CWC22: variants seen among roughly 807,000 people sequenced by gnomAD.
The protein encoded by CWC22 is CWC22 spliceosome associated protein.
CWC22 carries 53 observed loss-of-function variants against 117.2 expected under a neutral mutation model. The ratio of observed to expected loss-of-function variants is 0.45; its 90% CI spans 0.36 to 0.57. The LOEUF (loss-of-function observed/expected upper bound fraction) is 0.57, where lower values mean the gene tolerates loss of function less well. CWC22 is among the 20% of genes least tolerant of loss of function. The pLI is 0.00. For missense variants in CWC22, 980 were observed against 1,068.8 expected (o/e 0.92, Z 1.16); for synonymous variants, 360 against 355.6 (o/e 1.01, Z -0.14).
intron 11 of CWC22, 115 bp downstream of exon 11, chr2:179,970,386 A>G (rs1041386828): frequency 2.7e-6 from 3 of 1,097,386 alleles, no homozygotes; most frequent in Admixed American, 3.0e-5. Context: ...GAATAACTTT[A>G]TAAGAGCAGC....
rs1687087725 is a variant in CWC22 at position 179,973,766 on chromosome 2, A to T, written c.618T>A (p.Ser206Arg). 1 of 1,610,208 alleles carries T rather than the reference A, an allele frequency of 6.2e-7. No individual in the cohort carries two copies. Among genetic ancestry groups the T allele is most frequent in the African/African-American group, 1.3e-5 (1 of 74,882 alleles). Residue 206 changes from serine to arginine, a missense_variant, in exon 7 of 20, where the codon AGT (serine) becomes AGA (arginine). Physicochemically the swap from Ser to Arg is moderately radical, Grantham distance 110. This residue lies in a region of CWC22 where 559 missense variants were observed against 602.3 expected (regional missense o/e 0.93). Coordinates refer to ENST00000410053, the MANE Select transcript of CWC22 (RefSeq NM_020943.3). ...AAACATGGGTGAAGATTGGAGAAGC[A>T]CTCTGTGCTTGCAAAACAGACCTGG... is the stretch of plus-strand genomic sequence containing the variant. ...LLSRSVLQAQ[S>R]ASPIFTHVYA...
intron 1 of CWC22, among the ~76,000 whole-genome samples, chr2:180,004,060 G>T (rs112305988): frequency 2.1e-3 from 317 of 152,248 alleles, no homozygotes; most frequent in African/African-American, 7.0e-3. Context: ...CCCATGCTCA[G>T]ATAAACAGAA....
At chr2:179,997,667 C>T (rs1174842869) in intron 1 of CWC22, among the ~76,000 whole-genome samples, 1 of 152,146 alleles carries the variant, frequency 6.6e-6, no homozygotes, top group Non-Finnish European at 1.5e-5. Context: ...CCTTTATTAC[C>T]TTTAAACCCA....
chr2:179,953,814 A>C (rs1686516046), intron 16 of CWC22, among the ~76,000 whole-genome samples: 2 of 152,074 alleles, frequency 1.3e-5, no homozygotes, highest in South Asian at 4.1e-4. Context: ...AGAACCATGG[A>C]GAGTTATTCC....
chr2:179,951,029 GA>G (rs1686434033), intron 17 of CWC22, 103 bp from the exon 18 acceptor site: 1 of 704,694 alleles, frequency 1.4e-6, no homozygotes, highest in African/African-American at 1.8e-5. Flanking sequence ...ATTACTAAAT[GA>G]AATACAACCA....
At chr2:179,963,925 A>G (rs1205324545) in intron 13 of CWC22, among the ~76,000 whole-genome samples, 1 of 152,230 alleles carries the variant, frequency 6.6e-6, no homozygotes, top group Non-Finnish European at 1.5e-5. Context: ...TGATTCACAT[A>G]CAAACTACCA....
rs1371437956 is a variant in CWC22 at position 179,964,767 on chromosome 2, T to C, written c.1316-139A>G. The C allele has an allele frequency of 9.0e-6, 5 of 553,730 alleles. No homozygotes were observed. In the South Asian group the frequency reaches 1.3e-4, roughly 14 times the overall value. The allele number at this position is 553,730 out of a possible 1,614,324, so 34.3% of individuals were successfully genotyped here. Reference sequence around the variant, plus strand: ...TAATATTATCTTTTTACTGTGTAAATTAGTATTTATAGAATTGAAAGTAAC... The same window carrying C: ...TAATATTATCTTTTTACTGTGTAAACTAGTATTTATAGAATTGAAAGTAAC... On this transcript the variant is annotated intron_variant, in intron 12 of 19. Transcript: ENST00000410053.
chr2:179,984,091 G>A (rs925850210), intron 4 of CWC22, among the ~76,000 whole-genome samples: 25 of 152,150 alleles, frequency 1.6e-4, no homozygotes, highest in African/African-American at 5.1e-4. Flanking sequence ...TGGATAACAT[G>A]AGACTTCATT....
At chr2:179,958,238 G>A (rs2105514309) in intron 14 of CWC22, among the ~76,000 whole-genome samples, 1 of 150,590 alleles carries the variant, frequency 6.6e-6, no homozygotes, top group African/African-American at 2.4e-5. Flanking sequence ...GGTTGAGGCA[G>A]GAGAATTGCT....
At chr2:179,986,068 G>A (rs1687411795) in intron 4 of CWC22, among the ~76,000 whole-genome samples, 1 of 151,940 alleles carries the variant, frequency 6.6e-6, no homozygotes, top group Non-Finnish European at 1.5e-5. Context: ...TTACCCCTAG[G>A]AGTCTCCAAA....
At chr2:180,002,368 A>G (rs916346024) in intron 1 of CWC22, among the ~76,000 whole-genome samples, 2 of 152,238 alleles carry the variant, frequency 1.3e-5, no homozygotes, top group Non-Finnish European at 2.9e-5. Context: ...GGCTAGGGCC[A>G]TAATTGATAT....
In CWC22 at chr2:179,952,612, TA is replaced by T. The variant is rs750559877; in HGVS notation, c.1690-15del. ...ACATTCAAGAACCTGAAAATTAAAA[TA>T]AAAAAAGACAAGTATATTTTAATTT... On this transcript the variant is annotated splice_polypyrimidine_tract_variant and intron_variant, in intron 16 of 19. Transcript: ENST00000410053. The T allele has an allele frequency of 1.9e-5, 26 of 1,342,614 alleles. No individual in the cohort carries two copies. The highest frequency in any genetic ancestry group is 2.6e-5 in the Non-Finnish European group (26 of 998,812). 83.2% of individuals were successfully genotyped at this position (1,342,614 alleles called of 1,614,324 possible). A position where few individuals can be genotyped will look rare whatever the true frequency, so the allele number is the denominator to read the frequency against.
chr2:179,983,101 A>G (rs1395875639), intron 4 of CWC22, among the ~76,000 whole-genome samples: 1 of 151,956 alleles, frequency 6.6e-6, no homozygotes, highest in East Asian at 1.9e-4. Context: ...TTTTTTGTTC[A>G]TTTGTTTACT....
intron 13 of CWC22, 41 bp from the exon 14 acceptor site, chr2:179,959,123 G>A (rs758426113): frequency 3.8e-5 from 44 of 1,162,640 alleles, no homozygotes; most frequent in Non-Finnish European, 5.4e-5. Context: ...TTGCAACATA[G>A]ACTGTACACT....
intron 13 of CWC22, among the ~76,000 whole-genome samples, chr2:179,963,602 A>C (rs1686813862): frequency 6.6e-6 from 1 of 151,906 alleles, no homozygotes; most frequent in African/African-American, 2.4e-5. Flanking sequence ...TCGGCCTCCC[A>C]AAGTGCTGGG....
intron 3 of CWC22, among the ~76,000 whole-genome samples, chr2:179,987,786 A>T (rs1040463123): frequency 6.6e-6 from 1 of 152,184 alleles, no homozygotes; most frequent in African/African-American, 2.4e-5. Flanking sequence ...TCATAAATGA[A>T]ATAATTGTAG....
At chr2:179,950,130 T>C (rs2105506244) in intron 19 of CWC22, among the ~76,000 whole-genome samples, 1 of 152,298 alleles carries the variant, frequency 6.6e-6, no homozygotes, top group Admixed American at 6.5e-5. Context: ...ACAATGAATG[T>C]ATGATATATC....
chr2:179,994,227 T>C (rs1020614219), intron 1 of CWC22, among the ~76,000 whole-genome samples: 5 of 151,258 alleles, frequency 3.3e-5, no homozygotes, highest in Admixed American at 3.3e-4. Context: ...ATCCCAAAAA[T>C]AAAATAGAAA....
intron 16 of CWC22, 124 bp downstream of exon 16, chr2:179,954,081 G>A: frequency 1.8e-6 from 1 of 561,320 alleles, no homozygotes; most frequent in Non-Finnish European, 3.0e-6. Context: ...CTCAAAGACA[G>A]CAGTTCTACA....
Sources: gnomAD v4.1 joint callset for allele counts (sites outside exome capture counted in the v4.1 genomes callset) on GRCh38, gnomAD v4.1.1 for gene constraint, gnomAD v4.1.1 regional missense constraint, MANE v1.5 for transcripts, NCBI Gene and HGNC (gene_info 2026-07-23, HGNC 2026-07-21) for gene names.